Variants in EPHA4 observed in about 807,000 individuals in gnomAD.
EPHA4 encodes EPH receptor A4.
In EPHA4, 19 loss-of-function variants were observed where a neutral mutation model predicts 108.3. The ratio of observed to expected loss-of-function variants is 0.18; its 90% CI spans 0.12 to 0.26. EPHA4 has a LOEUF of 0.26. EPHA4 is among the 10% of genes least tolerant of loss of function. EPHA4 has a pLI of 1.00. For synonymous variants in EPHA4, 449 were observed against 455.5 expected, an observed-to-expected ratio of 0.99 and a Z score of 0.18; for missense variants, 917 against 1,254.0, an observed-to-expected ratio of 0.73 and a Z score of 4.06.
intron 3 of EPHA4, among the ~76,000 whole-genome samples, chr2:221,526,556 A>AG (rs1414206969): frequency 1.3e-5 from 2 of 151,914 alleles, no homozygotes; most frequent in Non-Finnish European, 2.9e-5. Flanking sequence ...AAAAAAAAAA[A>AG]AAATTCATGG....
intron 3 of EPHA4, among the ~76,000 whole-genome samples, chr2:221,518,742 T>G (rs1242662481): frequency 6.6e-6 from 1 of 152,206 alleles, no homozygotes; most frequent in Non-Finnish European, 1.5e-5. Flanking sequence ...TCAAACAGCC[T>G]TGCAACATTA....
intron 14 of EPHA4, among the ~76,000 whole-genome samples, chr2:221,431,216 A>T (rs528238255): frequency 2.0e-5 from 3 of 152,318 alleles, no homozygotes; most frequent in South Asian, 2.1e-4. Flanking sequence ...GGAGTCTAAA[A>T]GTTTTATTTG....
chr2:221,540,838 A>G (rs1693815154), intron 3 of EPHA4, among the ~76,000 whole-genome samples: 1 of 152,144 alleles, frequency 6.6e-6, no homozygotes, highest in Non-Finnish European at 1.5e-5. Context: ...CATAGGCAAC[A>G]GAGGGAGATG....
intron 3 of EPHA4, among the ~76,000 whole-genome samples, chr2:221,547,197 T>C (rs1694022966): frequency 6.6e-6 from 1 of 152,242 alleles, no homozygotes; most frequent in African/African-American, 2.4e-5. Flanking sequence ...ATTGCCATTG[T>C]TTTATTCTGT....
intron 2 of EPHA4, among the ~76,000 whole-genome samples, chr2:221,567,112 C>G (rs1192119054): frequency 6.6e-6 from 1 of 152,060 alleles, no homozygotes; most frequent in Non-Finnish European, 1.5e-5. Context: ...TGTCATATAG[C>G]TCACACATAT....
intron 2 of EPHA4, among the ~76,000 whole-genome samples, chr2:221,565,978 A>G (rs765153702): frequency 2.6e-5 from 4 of 152,140 alleles, no homozygotes; most frequent in Non-Finnish European, 5.9e-5. Flanking sequence ...TAATTGTCTA[A>G]CCACACTGAT....
intron 7 of EPHA4, among the ~76,000 whole-genome samples, chr2:221,456,088 C>A (rs1193185586): frequency 6.6e-6 from 1 of 151,514 alleles, no homozygotes; most frequent in Non-Finnish European, 1.5e-5. Context: ...ATGGGTAGAC[C>A]CCTCTTAAGC....
At chr2:221,555,741 A>AT (rs765420914) in intron 3 of EPHA4, among the ~76,000 whole-genome samples, 5 of 152,154 alleles carry the variant, frequency 3.3e-5, no homozygotes, top group Admixed American at 6.5e-5. Context: ...TTCTTTAATC[A>AT]TTCCTTCTCA....
chr2:221,432,816 GTATT>G (rs1690119208), intron 14 of EPHA4, among the ~76,000 whole-genome samples: 3 of 105,358 alleles, frequency 2.8e-5, no homozygotes, highest in Admixed American at 9.5e-5. Context: ...GCAAATCTTT[GTATT>G]TTTTTTTTTT....
At chr2:221,529,637 C>A (rs1298281296) in intron 3 of EPHA4, among the ~76,000 whole-genome samples, 1 of 152,170 alleles carries the variant, frequency 6.6e-6, no homozygotes, top group Non-Finnish European at 1.5e-5. Context: ...CACATGTTAT[C>A]TTTACGCCTG....
rs780224787 is a variant in EPHA4 at position 221,437,119 on chromosome 2, TTACC to T, written c.2075-1_2077del. On this transcript the variant is annotated splice_acceptor_variant and coding_sequence_variant, in exon 12 of 18. Coordinates refer to ENST00000281821, the MANE Select transcript of EPHA4 (RefSeq NM_004438.5). LOFTEE classifies it high-confidence loss of function. ...GTACTCTGTTATGATCATTACTGGTTTACCTAGAGTTTTCAGAAAGAAAAACACA... is the reference window on the plus strand; with the variant it reads ...GTACTCTGTTATGATCATTACTGGTTTAGAGTTTTCAGAAAGAAAAACACA... 6.2e-7 allele frequency: 1 copy of T among 1,611,584 alleles called. No homozygotes were observed. The highest frequency in any genetic ancestry group is 8.5e-7 in the Non-Finnish European group (1 of 1,178,472).
chr2:221,568,604 G>A (rs1459624691), intron 2 of EPHA4, 114 bp downstream of exon 2: 1 of 744,500 alleles, frequency 1.3e-6, no homozygotes, highest in African/African-American at 1.8e-5. Flanking sequence ...ATAGGCCACA[G>A]CGGAAATCTG....
chr2:221,511,934 A>G (rs1009411456), intron 3 of EPHA4, among the ~76,000 whole-genome samples: 1 of 152,234 alleles, frequency 6.6e-6, no homozygotes, highest in Non-Finnish European at 1.5e-5. Flanking sequence ...CTTATAAAAC[A>G]GCTGAAGGAA....
chr2:221,475,052 G>A (rs1032397533), intron 5 of EPHA4, among the ~76,000 whole-genome samples: 1 of 152,080 alleles, frequency 6.6e-6, no homozygotes, highest in African/African-American at 2.4e-5. Context: ...GGTATTTTTA[G>A]TAGAGATGGG....
chr2:221,497,752 A>C (rs1023181947), intron 4 of EPHA4, among the ~76,000 whole-genome samples: 2 of 152,068 alleles, frequency 1.3e-5, no homozygotes, highest in African/African-American at 4.8e-5. Flanking sequence ...AAAATGAAAA[A>C]ATAAGTAAGT....
intron 4 of EPHA4, among the ~76,000 whole-genome samples, chr2:221,491,887 G>A (rs756209686): frequency 5.9e-5 from 9 of 151,986 alleles, no homozygotes; most frequent in African/African-American, 1.4e-4. Flanking sequence ...GTGGTGGCTC[G>A]TTTCTGTAAT....
At chr2:221,497,349 G>A (rs185695925) in intron 4 of EPHA4, among the ~76,000 whole-genome samples, 6 of 152,294 alleles carry the variant, frequency 3.9e-5, no homozygotes, top group African/African-American at 1.2e-4. Context: ...CAGCCAAGGC[G>A]ATCCGATCAG....
chr2:221,445,972 T>C, intron 9 of EPHA4, 151 bp downstream of exon 9: 2 of 361,778 alleles, frequency 5.5e-6, no homozygotes, highest in Non-Finnish European at 4.7e-6. Context: ...CCATTTCAGT[T>C]TGATACCTAG....
At chr2:221,471,436 G>A (rs1306585203) in intron 5 of EPHA4, among the ~76,000 whole-genome samples, 2 of 152,130 alleles carry the variant, frequency 1.3e-5, no homozygotes, top group Non-Finnish European at 2.9e-5. Flanking sequence ...TAGTTCCACA[G>A]CATGATATCT....
Sources: allele counts gnomAD v4.1 joint callset (sites outside exome capture counted in the v4.1 genomes callset), GRCh38; gene constraint gnomAD v4.1.1; transcripts MANE v1.5; gene names NCBI Gene and HGNC (gene_info 2026-07-23, HGNC 2026-07-21).